Variants in WDR41 observed in about 807,000 individuals in gnomAD.
WDR41 encodes WD repeat-containing protein 41.
A neutral mutation model predicts 69.3 loss-of-function variants in WDR41; 63 were observed. The ratio of observed to expected loss-of-function variants is 0.91; its 90% confidence interval spans 0.74 to 1.12. The LOEUF (loss-of-function observed/expected upper bound fraction) is 1.12. Ranked by LOEUF, WDR41 falls within the 50% of genes most tolerant of loss-of-function variation. The pLI, the probability that WDR41 is intolerant of heterozygous loss-of-function variation, is 0.00. For synonymous variants in WDR41, 185 were observed against 192.1 expected, an observed-to-expected ratio of 0.96 and a Z score of 0.31; for missense variants, 543 against 534.5, an observed-to-expected ratio of 1.02 and a Z score of -0.16.
intron 1 of WDR41, among the ~76,000 whole-genome samples, chr5:77,606,877 G>A (rs1381071589): frequency 6.7e-6 from 1 of 149,672 alleles, no homozygotes; most frequent in East Asian, 1.9e-4. Context: ...GTGAGGTCAT[G>A]CCTTGCCCCA....
rs140507412 is a variant in WDR41 at position 77,608,473 on chromosome 5, C to T, written c.42+12006G>A. On this transcript the variant is annotated intron_variant, in intron 1 of 5. Transcript: ENST00000509971. ...CTTCAGTACCTAACAGTTACTATGT[C>T]CCATGTAGATATTTAAATTTAAAAA... Among the ~76,000 whole-genome samples the T allele has an allele frequency of 5.4e-3, 821 of 152,194 alleles. 5 individuals carry two copies. Among genetic ancestry groups the T allele is most frequent in the African/African-American group, 0.018 (764 of 41,536 alleles).
chr5:77,535,479 T>G (rs1231807374), intron 1 of WDR41, among the ~76,000 whole-genome samples: 1 of 152,180 alleles, frequency 6.6e-6, no homozygotes, highest in Non-Finnish European at 1.5e-5. Flanking sequence ...CATACGTATA[T>G]CTCGGTATAG....
chr5:77,585,511 G>A (rs561727789), intron 1 of WDR41, among the ~76,000 whole-genome samples: 2 of 152,232 alleles, frequency 1.3e-5, no homozygotes, highest in South Asian at 2.1e-4. Flanking sequence ...ATTCTAAGAC[G>A]ATACTTGCAC....
At chr5:77,551,986 AAAATAAAATAAAATAAAATAAAAT>A (rs1481642849) in intron 1 of WDR41, among the ~76,000 whole-genome samples, 3 of 5,038 alleles carry the variant, frequency 6.0e-4, no homozygotes, top group Admixed American at 7.0e-3. Context: ...CTCAAAAAAT[AAAATAAAATAAAATAAAATAAAAT>A]AAAATAAAAT....
rs960162799 is a variant in WDR41 at position 77,618,290 on chromosome 5, G to C, written c.42+2189C>G. On this transcript the variant is annotated intron_variant, in intron 1 of 5. Coordinates refer to the WDR41 transcript ENST00000509971. ...AAGAATAACTTGCTCTAAATGTCTGGCATAGGAAAAACTGTATGAACACTC... is the reference window on the plus strand; with the variant it reads ...AAGAATAACTTGCTCTAAATGTCTGCCATAGGAAAAACTGTATGAACACTC... Among the ~76,000 whole-genome samples, 5 of 152,198 alleles carry C rather than the reference G, an allele frequency of 3.3e-5. No homozygotes were observed. The South Asian group carries it at 6.2e-4, about 19-fold the overall frequency.
chr5:77,473,219 G>A (rs1800718399), intron 2 of WDR41, among the ~76,000 whole-genome samples: 1 of 152,204 alleles, frequency 6.6e-6, no homozygotes, highest in South Asian at 2.1e-4. Flanking sequence ...AATAAATGGT[G>A]CTGGGAAAAC....
chr5:77,603,124 G>C (rs1744355169), intron 1 of WDR41, among the ~76,000 whole-genome samples: 1 of 151,972 alleles, frequency 6.6e-6, no homozygotes, highest in South Asian at 2.1e-4. Context: ...TTTTATTAGA[G>C]ACGGGATTTC....
At chr5:77,527,430 C>T (rs1226749918) in intron 1 of WDR41, among the ~76,000 whole-genome samples, 3 of 151,696 alleles carry the variant, frequency 2.0e-5, no homozygotes, top group African/African-American at 7.3e-5. Flanking sequence ...GAACCCAATT[C>T]ATACAAAAGA....
chr5:77,448,996 C>A (rs1301754245), intron 8 of WDR41, among the ~76,000 whole-genome samples: 1 of 152,134 alleles, frequency 6.6e-6, no homozygotes. Flanking sequence ...CTTACAGGAT[C>A]GTCCTGCAGG....
intron 1 of WDR41, among the ~76,000 whole-genome samples, chr5:77,552,110 T>C (rs929249247): frequency 1.3e-5 from 2 of 150,316 alleles, no homozygotes; most frequent in Non-Finnish European, 3.0e-5. Context: ...AAAAATGCAA[T>C]TGATGCAGGG....
At chr5:77,573,027 C>G (rs1580016830) in intron 1 of WDR41, among the ~76,000 whole-genome samples, 2 of 152,154 alleles carry the variant, frequency 1.3e-5, no homozygotes, top group South Asian at 4.1e-4. Context: ...AGAGCATGTA[C>G]TCATTCACTC....
At chr5:77,615,516 AAT>A (rs1009499059) in intron 1 of WDR41, among the ~76,000 whole-genome samples, 15 of 152,044 alleles carry the variant, frequency 9.9e-5, no homozygotes, top group African/African-American at 3.4e-4. Context: ...TCTACATTTG[AAT>A]ATGTTTGAAG....
intron 1 of WDR41, among the ~76,000 whole-genome samples, chr5:77,594,336 G>A (rs1045799028): frequency 6.6e-6 from 1 of 151,412 alleles, no homozygotes; most frequent in Non-Finnish European, 1.5e-5. Context: ...AATGGGTGCA[G>A]CACACCAACA....
At chr5:77,602,478 C>T (rs922636215) in intron 1 of WDR41, among the ~76,000 whole-genome samples, 19 of 152,228 alleles carry the variant, frequency 1.2e-4, no homozygotes, top group African/African-American at 4.1e-4. Flanking sequence ...GTTTTTTTAG[C>T]TCCCACATAT....
At chr5:77,462,304 G>C (rs1266282668) in intron 4 of WDR41, among the ~76,000 whole-genome samples, 1 of 151,094 alleles carries the variant, frequency 6.6e-6, no homozygotes, top group East Asian at 1.9e-4. Context: ...AGCTACTCGG[G>C]AGTCTGAAGC....
At chr5:77,500,518 C>T (rs943983742) in intron 1 of WDR41, among the ~76,000 whole-genome samples, 2 of 152,078 alleles carry the variant, frequency 1.3e-5, no homozygotes, top group African/African-American at 4.8e-5. Context: ...GCCCCACAGA[C>T]ATTAAAGGGA....
rs34773798 is a variant in WDR41, at chr5:77,517,631, C to CATATATATATATAT, written c.43-28073_43-28060dup. On this transcript the variant is annotated intron_variant, in intron 1 of 5. Coordinates refer to the WDR41 transcript ENST00000509971. ...TTGACATTTATTCATATTTATTGAA[C>CATATATATATATAT]ATATATATATATATATATATATATA... 5.2e-3 allele frequency among the ~76,000 whole-genome samples: 733 copies of CATATATATATATAT among 141,116 alleles called. 3 individuals are homozygous for CATATATATATATAT. The highest frequency in any genetic ancestry group is 7.6e-3 in the African/African-American group (287 of 37,564). The allele number at this position is 141,116 out of a possible 152,430, so 92.6% of individuals were successfully genotyped here. A position where few individuals can be genotyped will look rare whatever the true frequency, so the allele number is the denominator to read the frequency against.
At chr5:77,464,878 T>G in intron 2 of WDR41, 69 bp from the exon 3 acceptor site, 1 of 1,483,584 alleles carries the variant, frequency 6.7e-7, no homozygotes, top group Non-Finnish European at 9.4e-7. Context: ...TTAAGAACTA[T>G]CAAACCTTAT....
chr5:77,541,475 G>GTAAAAGGAA (rs1743087399), intron 1 of WDR41, among the ~76,000 whole-genome samples: 1 of 146,792 alleles, frequency 6.8e-6, no homozygotes, highest in African/African-American at 2.5e-5. Flanking sequence ...AGGAGATGGA[G>GTAAAAGGAA]TAAAAGGAAT....
Sources: allele counts gnomAD v4.1 joint callset (sites outside exome capture counted in the v4.1 genomes callset), GRCh38; gene constraint gnomAD v4.1.1; transcripts MANE v1.5; gene names NCBI Gene and HGNC (gene_info 2026-07-23, HGNC 2026-07-21).